Variants in PDE11A observed in about 807,000 individuals in gnomAD.
The protein encoded by PDE11A is dual 3',5'-cyclic-AMP and -GMP phosphodiesterase 11A.
A neutral mutation model predicts 100.5 loss-of-function variants in PDE11A; 100 were observed. That is an observed-to-expected ratio of 1.00 (90% confidence interval 0.85 to 1.18). The LOEUF is 1.18. Ranked by LOEUF, PDE11A falls within the 50% of genes most tolerant of loss-of-function variation. The pLI is 0.00. For missense variants in PDE11A, 1,141 were observed against 1,152.6 expected, an observed-to-expected ratio of 0.99 and a Z score of 0.15; for synonymous variants, 381 against 420.8, an observed-to-expected ratio of 0.91 and a Z score of 1.16.
At chr2:177,725,211 A>G (rs554804441) in intron 12 of PDE11A, among the ~76,000 whole-genome samples, 1 of 152,218 alleles carries the variant, frequency 6.6e-6, no homozygotes, top group South Asian at 2.1e-4. Flanking sequence ...TTTTAGCTAC[A>G]CTGATTGAGT....
At chr2:177,969,330 C>A (rs1052210742) in intron 2 of PDE11A, among the ~76,000 whole-genome samples, 2 of 152,024 alleles carry the variant, frequency 1.3e-5, no homozygotes, top group African/African-American at 2.4e-5. Flanking sequence ...GGGCTGAAAA[C>A]CTAGATGATG....
chr2:177,761,133 G>A (rs1262590692), intron 10 of PDE11A, among the ~76,000 whole-genome samples: 1 of 152,100 alleles, frequency 6.6e-6, no homozygotes, highest in Admixed American at 6.6e-5. Flanking sequence ...AAGAGTTAAA[G>A]GGCAAGGGGC....
intron 9 of PDE11A, among the ~76,000 whole-genome samples, chr2:177,792,434 A>T (rs2082646034): frequency 6.6e-6 from 1 of 152,200 alleles, no homozygotes; most frequent in Non-Finnish European, 1.5e-5. Context: ...ATATTTATAT[A>T]TACTGATTTT....
chr2:178,046,389 C>A (rs1574365093), intron 1 of PDE11A, among the ~76,000 whole-genome samples: 1 of 152,066 alleles, frequency 6.6e-6, no homozygotes, highest in South Asian at 2.1e-4. Context: ...TATAATAAAT[C>A]TTACAGTGTG....
chr2:177,785,700 G>A (rs555271086), intron 9 of PDE11A, among the ~76,000 whole-genome samples: 30 of 130,430 alleles, frequency 2.3e-4, no homozygotes, highest in African/African-American at 7.4e-4. Context: ...GCGCTTTTCC[G>A]ACGGGCTTAA....
At chr2:177,639,700 A>C (rs2080110511) in intron 19 of PDE11A, among the ~76,000 whole-genome samples, 1 of 152,208 alleles carries the variant, frequency 6.6e-6, no homozygotes, top group South Asian at 2.1e-4. Context: ...TTTCTCTGCC[A>C]TCGTGGTCCA....
chr2:177,643,633 C>A (rs1029887997), intron 19 of PDE11A, among the ~76,000 whole-genome samples: 3 of 152,214 alleles, frequency 2.0e-5, no homozygotes, highest in Non-Finnish European at 4.4e-5. Flanking sequence ...TTCAAGCCAG[C>A]TGCAGAAACT....
At chr2:177,892,513 C>G (rs2084546015) in intron 4 of PDE11A, among the ~76,000 whole-genome samples, 1 of 152,256 alleles carries the variant, frequency 6.6e-6, no homozygotes, top group Non-Finnish European at 1.5e-5. Context: ...AATTTATCTG[C>G]TTAAGCCTCA....
At chr2:177,957,766 TAAAC>T (rs1198534148) in intron 2 of PDE11A, among the ~76,000 whole-genome samples, 3 of 152,142 alleles carry the variant, frequency 2.0e-5, no homozygotes, top group African/African-American at 7.2e-5. Context: ...ATAAGAATAA[TAAAC>T]AAGAGCAATA....
intron 1 of PDE11A, among the ~76,000 whole-genome samples, chr2:178,070,032 T>C (rs2087105106): frequency 6.6e-6 from 1 of 152,178 alleles, no homozygotes; most frequent in African/African-American, 2.4e-5. Context: ...AAATGTGTGA[T>C]TGTTTTATTT....
chr2:177,781,625 C>A (rs527741452), intron 9 of PDE11A, among the ~76,000 whole-genome samples: 86 of 152,172 alleles, frequency 5.7e-4, no homozygotes, highest in African/African-American at 2.0e-3. Flanking sequence ...GACTCAGCCT[C>A]CAAGTAGCTG....
chr2:177,778,538 G>A (rs1370203670), intron 9 of PDE11A, among the ~76,000 whole-genome samples: 8 of 152,168 alleles, frequency 5.3e-5, no homozygotes, highest in Non-Finnish European at 7.3e-5. Flanking sequence ...CTGGATGGCC[G>A]ACTTAAGCTA....
intron 19 of PDE11A, among the ~76,000 whole-genome samples, chr2:177,645,528 CA>C (rs1574093084): frequency 6.6e-6 from 1 of 152,178 alleles, no homozygotes; most frequent in Non-Finnish European, 1.5e-5. Context: ...ATGGAACTGC[CA>C]TATAATAGCA....
intron 2 of PDE11A, among the ~76,000 whole-genome samples, chr2:177,947,023 G>GCC (rs1320557017): frequency 5.3e-4 from 38 of 71,534 alleles, no homozygotes; most frequent in African/African-American, 2.0e-3. Flanking sequence ...GGGGGGGTCA[G>GCC]CCCCCCGCCC....
intron 2 of PDE11A, among the ~76,000 whole-genome samples, chr2:177,944,915 C>T (rs1355453774): frequency 6.7e-6 from 1 of 149,398 alleles, no homozygotes; most frequent in Non-Finnish European, 1.5e-5. Flanking sequence ...CATCTTGGCT[C>T]ACTGCAACCT....
At chr2:177,634,975 A>T (rs758519992) in intron 19 of PDE11A, among the ~76,000 whole-genome samples, 1 of 152,144 alleles carries the variant, frequency 6.6e-6, no homozygotes, top group Non-Finnish European at 1.5e-5. Flanking sequence ...CTCCATATAC[A>T]CACGGAGGAA....
In PDE11A at chr2:177,763,868, A is replaced by T. The variant is rs2082203383; in HGVS notation, c.1788+5455T>A. Reference sequence around the variant, plus strand: ...TGGAGAAAGGAGCGCCACCTGGTGGATCAACTACTAAAAGGCACTCCATGC... The same window carrying T: ...TGGAGAAAGGAGCGCCACCTGGTGGTTCAACTACTAAAAGGCACTCCATGC... On this transcript the variant is annotated intron_variant, in intron 10 of 19. Coordinates refer to ENST00000286063, the MANE Select transcript of PDE11A (RefSeq NM_016953.4). Among the ~76,000 whole-genome samples the T allele has an allele frequency of 2.0e-5, 3 of 152,110 alleles. No individual in the cohort carries two copies. In the South Asian group the frequency reaches 6.2e-4, roughly 32 times the overall value.
chr2:177,665,726 G>GGTA (rs1199183469), intron 18 of PDE11A, among the ~76,000 whole-genome samples: 1 of 151,016 alleles, frequency 6.6e-6, no homozygotes, highest in Non-Finnish European at 1.5e-5. Flanking sequence ...GTGTGGTGGT[G>GGTA]GGCACCTGTA....
chr2:177,853,635 C>CATACATATAT (rs1491477650), intron 5 of PDE11A, among the ~76,000 whole-genome samples: 3 of 36,218 alleles, frequency 8.3e-5, no homozygotes, highest in Admixed American at 4.6e-4. Context: ...ACAAGTCCTG[C>CATACATATAT]ATATATATAT....
Sources: gnomAD v4.1 joint callset for allele counts (sites outside exome capture counted in the v4.1 genomes callset) on GRCh38, gnomAD v4.1.1 for gene constraint, MANE v1.5 for transcripts, NCBI Gene and HGNC (gene_info 2026-07-23, HGNC 2026-07-21) for gene names.